PANK1: variants seen among roughly 807,000 people sequenced by gnomAD.
The protein encoded by PANK1 is pantothenic acid kinase 1.
In PANK1, 18 loss-of-function variants were observed where a neutral mutation model predicts 40.1. That is an observed-to-expected ratio of 0.45 (90% CI 0.31 to 0.67). PANK1 has a LOEUF of 0.67. PANK1 is among the 30% of genes least tolerant of loss of function. PANK1 has a pLI of 0.06. For missense variants in PANK1, 457 were observed against 599.6 expected (o/e 0.76, Z 2.48); for synonymous variants, 242 against 237.7 (o/e 1.02, Z -0.17).
At chr10:89,631,264 C>T (rs1222878799) in intron 1 of PANK1, among the ~76,000 whole-genome samples, 7 of 152,154 alleles carry the variant, frequency 4.6e-5, no homozygotes, top group African/African-American at 1.7e-4. Context: ...GCAGTTTACA[C>T]AGACAGAAAT....
intron 1 of PANK1, among the ~76,000 whole-genome samples, chr10:89,621,166 T>A (rs1845473121): frequency 6.6e-6 from 1 of 152,146 alleles, no homozygotes; most frequent in Non-Finnish European, 1.5e-5. Flanking sequence ...CCTGGTGTTG[T>A]GGCACATGCC....
chr10:89,585,847 A>G (rs1438877035), intron 6 of PANK1, among the ~76,000 whole-genome samples: 3 of 152,240 alleles, frequency 2.0e-5, no homozygotes, highest in Non-Finnish European at 4.4e-5. Context: ...TCTCTCCATA[A>G]TATTCTCTAG....
At chr10:89,603,321 C>T (rs1433868462) in intron 2 of PANK1, among the ~76,000 whole-genome samples, 1 of 152,124 alleles carries the variant, frequency 6.6e-6, no homozygotes, top group Non-Finnish European at 1.5e-5. Flanking sequence ...GCTGTAGCAT[C>T]CCTCTGCTTG....
intron 1 of PANK1, among the ~76,000 whole-genome samples, chr10:89,621,983 GGATTACAGGCA>G (rs1459954989): frequency 2.6e-5 from 4 of 152,164 alleles, no homozygotes; most frequent in African/African-American, 9.7e-5. Flanking sequence ...CAAAGTGCTG[GGATTACAGGCA>G]TGAGCCGCTG....
chr10:89,636,241 A>G (rs1411973294), intron 1 of PANK1, among the ~76,000 whole-genome samples: 1 of 152,182 alleles, frequency 6.6e-6, no homozygotes, highest in African/African-American at 2.4e-5. Context: ...CACCCTTGCA[A>G]CACGTGTCTG....
chr10:89,586,952 C>T (rs1000398815), intron 6 of PANK1, among the ~76,000 whole-genome samples: 1 of 151,950 alleles, frequency 6.6e-6, no homozygotes. Flanking sequence ...CATGGTGAAA[C>T]CCTCTACTAA....
chr10:89,644,807 C>A lies in PANK1; in HGVS notation c.85G>T (p.Gly29Trp). 1 of 1,461,682 alleles carries A rather than the reference C, an allele frequency of 6.8e-7. No individual in the cohort carries two copies. The highest frequency in any genetic ancestry group is 9.0e-7 in the Non-Finnish European group (1 of 1,115,800). The allele number at this position is 1,461,682 out of a possible 1,614,324, so 90.5% of individuals were successfully genotyped here. The part of the protein sequence containing the change: ...PVGTSAAAVN[G>W]LLHNGFHPPP... Reference sequence around the variant, plus strand: ...GGATGGAAGCCGTTGTGCAGCAGCCCGTTCACAGCGGCGGCGCTGGTGCCC... The same window carrying A: ...GGATGGAAGCCGTTGTGCAGCAGCCAGTTCACAGCGGCGGCGCTGGTGCCC... Residue 29 changes from glycine to tryptophan, a missense_variant, in exon 1 of 7, where the codon GGG becomes TGG. Gly to Trp is a radical substitution (Grantham distance 184). Around this residue, in one of 4 missense-constraint regions of PANK1, gnomAD observed 144 missense variants for 131.2 expected, o/e 1.10. Transcript: ENST00000307534.
intron 1 of PANK1, among the ~76,000 whole-genome samples, chr10:89,620,477 CT>C (rs1375242713): frequency 4.6e-5 from 7 of 152,220 alleles, no homozygotes; most frequent in South Asian, 2.1e-4. Flanking sequence ...CTGCAGCGCC[CT>C]CAGGCTTGCT....
At chr10:89,610,601 C>T (rs1481388637) in intron 2 of PANK1, among the ~76,000 whole-genome samples, 2 of 152,078 alleles carry the variant, frequency 1.3e-5, no homozygotes, top group African/African-American at 2.4e-5. Context: ...GTAAAATTTG[C>T]ATTTATAGCT....
At position 89,644,668 on chromosome 10, in the gene PANK1, T is replaced by C. The variant is rs750580284; in HGVS notation, c.224A>G (p.Gln75Arg). 3.2e-6 allele frequency: 5 copies of C among 1,570,476 alleles called. No individual in the cohort carries two copies. Among genetic ancestry groups the C allele is most frequent in the Non-Finnish European group, 4.3e-6 (5 of 1,164,408 alleles). ...GCATTTCTTGGCCGGGGAGTCATGC[T>C]GAGGGAGCAGTGGCTGCGGCTGCAG... ...PELQPQPLLP[Q>R]HDSPAKKCRL... The change falls in exon 1 of 7, where the codon CAG becomes CGG. Residue 75 changes from glutamine to arginine, a missense_variant. This residue lies in a region of PANK1 where 144 missense variants were observed against 131.2 expected (regional missense o/e 1.10). Coordinates refer to ENST00000307534, the MANE Select transcript of PANK1 (RefSeq NM_148977.3).
chr10:89,580,821 G>C (rs1423848789), downstream of PANK1: 1 of 152,076 alleles, frequency 6.6e-6, no homozygotes, highest in Non-Finnish European at 1.5e-5. Context: ...CATTTGCCAG[G>C]AGTGAAAAAT....
At chr10:89,582,611 A>G (rs1462252422), downstream of PANK1, 1 of 152,214 alleles carries the variant, frequency 6.6e-6, no homozygotes, top group Non-Finnish European at 1.5e-5. Context: ...CTAATTATAA[A>G]TAATATGTAG....
intron 1 of PANK1, among the ~76,000 whole-genome samples, chr10:89,629,859 T>C (rs1352579167): frequency 6.6e-6 from 1 of 152,240 alleles, no homozygotes; most frequent in Admixed American, 6.5e-5. Flanking sequence ...TCAAAACTGA[T>C]TCAGTAGTTT....
downstream of PANK1, chr10:89,582,043 A>G (rs892154000): frequency 6.6e-6 from 1 of 152,268 alleles, no homozygotes; most frequent in Non-Finnish European, 1.5e-5. Flanking sequence ...TGTAGCTATC[A>G]TTAATGAAGC....
chr10:89,590,980 C>G (rs1425332109), intron 5 of PANK1, among the ~76,000 whole-genome samples: 1 of 151,996 alleles, frequency 6.6e-6, no homozygotes, highest in Non-Finnish European at 1.5e-5. Flanking sequence ...ATTGCAGAAT[C>G]TGCACTGATG....
chr10:89,633,183 G>C (rs542346377), intron 1 of PANK1, among the ~76,000 whole-genome samples: 1 of 152,154 alleles, frequency 6.6e-6, no homozygotes, highest in African/African-American at 2.4e-5. Context: ...ATCAGCATAA[G>C]GATACTGAAA....
At chr10:89,635,662 G>A (rs1041593304) in intron 1 of PANK1, among the ~76,000 whole-genome samples, 2 of 152,144 alleles carry the variant, frequency 1.3e-5, no homozygotes, top group African/African-American at 4.8e-5. Flanking sequence ...CATCAGCTCA[G>A]AAGTTCAATG....
chr10:89,635,000 G>A (rs773711145), intron 1 of PANK1, among the ~76,000 whole-genome samples: 5 of 152,126 alleles, frequency 3.3e-5, no homozygotes, highest in African/African-American at 1.2e-4. Flanking sequence ...TCCAATCTCC[G>A]AAAGATTCCC....
Position 89,644,603 on chromosome 10 carries a change from G to A in PANK1, c.289C>T (p.Pro97Ser). Residue 97 changes from proline to serine, a missense_variant, in exon 1 of 7, where the codon CCG becomes TCG. Pro to Ser is a moderately conservative substitution (Grantham distance 74, BLOSUM62 -1). Transcript: ENST00000307534. The part of the protein sequence containing the change: ...RRMDSGRKNR[P>S]PFPWFGMDIG... ...CTCCCCTCCCAGCGGGACTTACGCGGCCTGTTCTTTCTCCCCGAGTCCATC... is the reference window on the plus strand; with the variant it reads ...CTCCCCTCCCAGCGGGACTTACGCGACCTGTTCTTTCTCCCCGAGTCCATC... The A allele has an allele frequency of 1.3e-6, 2 of 1,589,314 alleles. No homozygotes were observed. The highest frequency in any genetic ancestry group is 8.5e-7 in the Non-Finnish European group (1 of 1,172,818).
Sources: gnomAD v4.1 joint callset for allele counts (sites outside exome capture counted in the v4.1 genomes callset) on GRCh38, gnomAD v4.1.1 for gene constraint, gnomAD v4.1.1 regional missense constraint, MANE v1.5 for transcripts, NCBI Gene and HGNC (gene_info 2026-07-23, HGNC 2026-07-21) for gene names.